The following GMDS variants were observed in gnomAD, a reference collection of about 807,000 sequenced individuals.
GMDS encodes GDP-mannose 4,6 dehydratase.
Under a neutral mutation model 49.9 loss-of-function variants are expected in GMDS, and 20 were observed. That is an observed-to-expected ratio of 0.40 (90% confidence interval 0.28 to 0.58). GMDS has a LOEUF of 0.58. Ranked by LOEUF, GMDS falls within the 20% of genes least tolerant of loss-of-function variation. The probability of loss-of-function intolerance (pLI) is 0.42; values close to 1 mark genes in which losing one functional copy is unlikely to be tolerated. For missense variants in GMDS, 362 were observed against 481.4 expected (o/e 0.75, Z 2.32); for synonymous variants, 177 against 178.6 (o/e 0.99, Z 0.07).
At chr6:1,905,570 G>A (rs1383158487) in intron 7 of GMDS, among the ~76,000 whole-genome samples, 1 of 139,834 alleles carries the variant, frequency 7.2e-6, no homozygotes, top group Admixed American at 7.1e-5. Context: ...ATCTGCATGT[G>A]GGGCCAGCAC....
chr6:1,752,267 A>C (rs1165608023), intron 7 of GMDS, among the ~76,000 whole-genome samples: 4 of 152,232 alleles, frequency 2.6e-5, no homozygotes, highest in Non-Finnish European at 5.9e-5. Flanking sequence ...AAATCAATCA[A>C]GTGGAAGAAA....
chr6:1,803,460 C>T (rs889104323), intron 7 of GMDS, among the ~76,000 whole-genome samples: 1 of 152,048 alleles, frequency 6.6e-6, no homozygotes, highest in Non-Finnish European at 1.5e-5. Context: ...TTTCAGCGAG[C>T]AGCCCTTGAG....
chr6:1,843,069 C>T (rs146279950), intron 7 of GMDS, among the ~76,000 whole-genome samples: 57 of 151,476 alleles, frequency 3.8e-4, no homozygotes, highest in African/African-American at 1.4e-3. Context: ...GAAATCGTGT[C>T]ACTGCTCTCC....
intron 1 of GMDS, among the ~76,000 whole-genome samples, chr6:2,174,659 C>G (rs1052330931): frequency 5.9e-5 from 9 of 152,078 alleles, no homozygotes; most frequent in African/African-American, 1.9e-4. Context: ...CCTCCACCTC[C>G]TGGGTTCAAG....
intron 1 of GMDS, among the ~76,000 whole-genome samples, chr6:2,175,204 A>C (rs1241581871): frequency 6.6e-6 from 1 of 152,074 alleles, no homozygotes; most frequent in Admixed American, 6.5e-5. Flanking sequence ...TTATTAATGT[A>C]AGTTAACTTA....
At position 1,624,537 on chromosome 6, in the gene GMDS, A is replaced by G; in HGVS notation, c.991T>C (p.Phe331Leu). The change falls in exon 10 of 11, where the codon TTT (phenylalanine) becomes CTT (leucine). Residue 331 changes from phenylalanine (F) to leucine (L), a missense_variant. By Grantham distance (22) the Phe-to-Leu change is conservative. Coordinates refer to ENST00000380815, the MANE Select transcript of GMDS (RefSeq NM_001500.4). ...LKYYRPTEVD[F>L]LQGDCTKAKQ... is the part of the protein sequence containing the mutation. ...GCTTTGGTGCAGTCGCCCTGCAGAA[A>G]GTCCTAGGGAAGAAGAGGGGGAGAC... 1 of 1,612,830 alleles carries G rather than the reference A, an allele frequency of 6.2e-7. No individual in the cohort carries two copies.
At chr6:1,935,286 A>G (rs1581386731) in intron 6 of GMDS, among the ~76,000 whole-genome samples, 1 of 152,184 alleles carries the variant, frequency 6.6e-6, no homozygotes, top group Non-Finnish European at 1.5e-5. Context: ...CACTGGGTAC[A>G]CTAATGTAGG....
At position 1,682,267 on chromosome 6, in the gene GMDS, T is replaced by C. The variant is rs1032153881; in HGVS notation, c.987+44149A>G. ...CAAAGGAAGGAGTAAAAGGAATCTA[T>C]GTCCCAAAAGATAGGTACACTTCAT... On this transcript the variant is annotated intron_variant, in intron 9 of 10. Transcript: ENST00000380815. 5.9e-5 allele frequency among the ~76,000 whole-genome samples: 9 copies of C among 152,242 alleles called. No individual in the cohort carries two copies. In the South Asian group the frequency reaches 1.9e-3, roughly 32 times the overall value.
At chr6:2,147,724 G>A (rs1776633949) in intron 1 of GMDS, among the ~76,000 whole-genome samples, 1 of 151,254 alleles carries the variant, frequency 6.6e-6, no homozygotes, top group South Asian at 2.1e-4. Context: ...ATTTCTTAAT[G>A]AGATGCTTAC....
At chr6:1,916,845 T>C (rs1254010568) in intron 7 of GMDS, among the ~76,000 whole-genome samples, 1 of 151,816 alleles carries the variant, frequency 6.6e-6, no homozygotes, top group East Asian at 1.9e-4. Context: ...GGCAATGGAA[T>C]CTAAACCACC....
intron 1 of GMDS, among the ~76,000 whole-genome samples, chr6:2,215,491 C>A (rs1780285594): frequency 8.6e-6 from 1 of 116,488 alleles, no homozygotes; most frequent in Admixed American, 8.2e-5. Flanking sequence ...GGGGCAACCA[C>A]CCCCATGACT....
intron 7 of GMDS, among the ~76,000 whole-genome samples, chr6:1,908,156 C>G (rs1453099935): frequency 6.6e-6 from 1 of 152,144 alleles, no homozygotes; most frequent in East Asian, 1.9e-4. Flanking sequence ...GGAACATCGA[C>G]AGTGGGGATC....
chr6:1,914,928 C>A (rs1013451631), intron 7 of GMDS, among the ~76,000 whole-genome samples: 4 of 152,304 alleles, frequency 2.6e-5, no homozygotes, highest in Admixed American at 2.0e-4. Flanking sequence ...CAGAAGTGTG[C>A]GAGGTTGTCA....
chr6:1,955,698 T>G (rs993976728), intron 6 of GMDS, among the ~76,000 whole-genome samples: 8 of 151,286 alleles, frequency 5.3e-5, no homozygotes, highest in Non-Finnish European at 1.2e-4. Context: ...CTTACATCTC[T>G]AGATGTATTA....
intron 4 of GMDS, among the ~76,000 whole-genome samples, chr6:2,006,226 G>A (rs1256976118): frequency 6.6e-6 from 1 of 151,038 alleles, no homozygotes; most frequent in Non-Finnish European, 1.5e-5. Flanking sequence ...GTTTGAGACT[G>A]GCCTGGGAAA....
At chr6:1,768,356 G>A (rs1468942367) in intron 7 of GMDS, among the ~76,000 whole-genome samples, 1 of 152,214 alleles carries the variant, frequency 6.6e-6, no homozygotes. Context: ...CAAGGATGAT[G>A]ATTTCAGCAT....
At chr6:2,217,665 T>G (rs1780402571) in intron 1 of GMDS, among the ~76,000 whole-genome samples, 1 of 152,162 alleles carries the variant, frequency 6.6e-6, no homozygotes, top group African/African-American at 2.4e-5. Flanking sequence ...TTAACACACA[T>G]AAGGCCTGGT....
At chr6:1,854,422 T>C (rs1757852100) in intron 7 of GMDS, among the ~76,000 whole-genome samples, 1 of 152,248 alleles carries the variant, frequency 6.6e-6, no homozygotes, top group Non-Finnish European at 1.5e-5. Context: ...TGTTCTCTGT[T>C]AATCATGTCC....
chr6:1,983,236 G>A (rs1765324551), intron 4 of GMDS, among the ~76,000 whole-genome samples: 1 of 152,038 alleles, frequency 6.6e-6, no homozygotes, highest in African/African-American at 2.4e-5. Context: ...ACTCAACACG[G>A]ACTAAAGACT....
Sources: allele counts gnomAD v4.1 joint callset (sites outside exome capture counted in the v4.1 genomes callset), GRCh38; gene constraint gnomAD v4.1.1; transcripts MANE v1.5; gene names NCBI Gene and HGNC (gene_info 2026-07-23, HGNC 2026-07-21).